The following ZNF774 variants were observed in gnomAD, a reference collection of about 807,000 sequenced individuals.
ZNF774 encodes zinc finger protein 774.
In ZNF774, 14 loss-of-function variants were observed where a neutral mutation model predicts 11.1. The observed-to-expected ratio is 1.26, with a 90% CI of 0.83 to 1.97. The LOEUF (loss-of-function observed/expected upper bound fraction) is 1.97. ZNF774 is among the 30% of genes most tolerant of loss of function. The pLI is 0.00. For missense variants in ZNF774, 599 were observed against 587.0 expected, an observed-to-expected ratio of 1.02 and a Z score of -0.21; for synonymous variants, 195 against 212.6, an observed-to-expected ratio of 0.92 and a Z score of 0.72.
chr15:90,353,009 C>T (rs1438409579), intron 1 of ZNF774, among the ~76,000 whole-genome samples: 6 of 152,034 alleles, frequency 3.9e-5, no homozygotes, highest in Admixed American at 3.9e-4. Context: ...CTCTTGTTGC[C>T]CAGGCTGGAA....
chr15:90,352,662 G>C (rs1964189111), intron 1 of ZNF774, among the ~76,000 whole-genome samples: 1 of 152,096 alleles, frequency 6.6e-6, no homozygotes, highest in Non-Finnish European at 1.5e-5. Flanking sequence ...GTGACCCTCT[G>C]ACCGCCGCAC....
Position 90,355,424 on chromosome 15 carries a change from T to C in ZNF774, c.104+660T>C, listed in dbSNP as rs113880736. ...GTCTTTGTGGAAAAGGAGGTAATTT[T>C]TTCTGTCACTTAAAAACAGGCTGGG... On this transcript the variant is annotated intron_variant, in intron 2 of 3. Transcript: ENST00000354377. 1,461 of 455,970 alleles carry C rather than the reference T, an allele frequency of 3.2e-3. 19 individuals are homozygous for C. The highest frequency in any genetic ancestry group is 0.026 in the African/African-American group (1,303 of 50,150). The allele number at this position is 455,970 out of a possible 1,614,324, so 28.2% of individuals were successfully genotyped here.
chr15:90,362,816 C>T lies in ZNF774; in HGVS notation c.*1533C>T, dbSNP rs868411602. On this transcript the variant is annotated 3_prime_UTR_variant, in exon 4 of 4. Coordinates refer to ENST00000354377, the MANE Select transcript of ZNF774 (RefSeq NM_001004309.3). ...TTGGTTAACTATAAATGTAATATCT[C>T]TATGTTATAATTCTGTTGCTAATGT... is the stretch of plus-strand genomic sequence containing the variant. 11 of 444,826 alleles carry T rather than the reference C, an allele frequency of 2.5e-5. No homozygotes were observed. Among genetic ancestry groups the T allele is most frequent in the Non-Finnish European group, 4.0e-6 (1 of 249,376 alleles). The allele number at this position is 444,826 out of a possible 1,614,324, so 27.6% of individuals were successfully genotyped here. A position where few individuals can be genotyped will look rare whatever the true frequency, so the allele number is the denominator to read the frequency against.
At position 90,354,720 on chromosome 15, in the gene ZNF774, C is replaced by T. The variant is rs8023776; in HGVS notation, c.60C>T (p.Leu20=). The change falls in exon 2 of 4, where the codon CTC becomes CTT. Residue 20 remains leucine, a synonymous_variant. Coordinates refer to ENST00000354377, the MANE Select transcript of ZNF774 (RefSeq NM_001004309.3). ...CTGGACACTGCTTAGAGAATCCTCT[C>T]CAGGAATGCCACCCAGCACAGTTAG... ...GLPGHCLENP[L]QECHPAQLEE... is the part of the protein sequence containing the mutation. The T allele has an allele frequency of 0.22, 349,340 of 1,611,454 alleles. 40,281 individuals carry two copies. The highest frequency in any genetic ancestry group is 0.4 in the African/African-American group (29,743 of 74,892).
In ZNF774 at chr15:90,362,787, T is replaced by A. The variant is rs1964354957; in HGVS notation, c.*1504T>A. On this transcript the variant is annotated 3_prime_UTR_variant, in exon 4 of 4. Transcript: ENST00000354377. ...CACACACACACACACACACACACAC[T>A]TTGTTGGTTAACTATAAATGTAATA... is the stretch of plus-strand genomic sequence containing the variant. 2.0e-6 allele frequency: 1 copy of A among 496,114 alleles called. No individual in the cohort carries two copies. Among genetic ancestry groups the A allele is most frequent in the Admixed American group, 3.4e-5 (1 of 29,572 alleles). 30.7% of individuals were successfully genotyped at this position (496,114 alleles called of 1,614,324 possible).
In ZNF774 at chr15:90,362,570, A is replaced by G. The variant is rs764126239; in HGVS notation, c.*1287A>G. 3 of 1,535,888 alleles carry G rather than the reference A, an allele frequency of 2.0e-6. No homozygotes were observed. Among genetic ancestry groups the G allele is most frequent in the African/African-American group, 1.4e-5 (1 of 73,150 alleles). On this transcript the variant is annotated 3_prime_UTR_variant, in exon 4 of 4. Transcript: ENST00000354377. ...GGCCATCCAGGTTATGCACTAGTAC[A>G]TTCCTACATTCAATTGAAATAAATT... is the stretch of plus-strand genomic sequence containing the variant.
Position 90,360,685 on chromosome 15 carries a change from A to G in ZNF774, c.854A>G (p.His285Arg). The stretch of plus-strand genomic sequence containing the variant: ...AATTTCATCACTCACCAGAGGACCC[A>G]CACAGGGGTGAAGCCTTACAGGTGT... ...SSNFITHQRT[H>R]TGVKPYRCND... is the part of the protein sequence containing the mutation. The change falls in exon 4 of 4, where the codon CAC (histidine) becomes CGC (arginine). Residue 285 changes from histidine (H) to arginine (R), a missense_variant. By Grantham distance (29) the His-to-Arg change is conservative. Coordinates refer to ENST00000354377, the MANE Select transcript of ZNF774 (RefSeq NM_001004309.3). The G allele has an allele frequency of 1.2e-6, 2 of 1,614,240 alleles. No homozygotes were observed. The highest frequency in any genetic ancestry group is 1.7e-6 in the Non-Finnish European group (2 of 1,180,048).
Position 90,361,550 on chromosome 15 carries a change from C to A in ZNF774, c.*267C>A. 1 of 1,149,896 alleles carries A rather than the reference C, an allele frequency of 8.7e-7. No individual in the cohort carries two copies. Among genetic ancestry groups the A allele is most frequent in the Non-Finnish European group, 1.1e-6 (1 of 932,086 alleles). The allele number at this position is 1,149,896 out of a possible 1,614,324, so 71.2% of individuals were successfully genotyped here. On this transcript the variant is annotated 3_prime_UTR_variant, in exon 4 of 4. Coordinates refer to ENST00000354377, the MANE Select transcript of ZNF774 (RefSeq NM_001004309.3). Reference sequence around the variant, plus strand: ...ATGCCCGCCAGGCGTGGTGGCTCACCCCTGTAATCCCAGCACTTTTGGGAG... The same window carrying A: ...ATGCCCGCCAGGCGTGGTGGCTCACACCTGTAATCCCAGCACTTTTGGGAG...
chr15:90,361,508 T>A lies in ZNF774; in HGVS notation c.*225T>A, dbSNP rs1438059920. 1.5e-6 allele frequency: 2 copies of A among 1,310,112 alleles called. No homozygotes were observed. Among genetic ancestry groups the A allele is most frequent in the Non-Finnish European group, 1.9e-6 (2 of 1,030,426 alleles). The allele number at this position is 1,310,112 out of a possible 1,614,324, so 81.2% of individuals were successfully genotyped here. A position where few individuals can be genotyped will look rare whatever the true frequency, so the allele number is the denominator to read the frequency against. On this transcript the variant is annotated 3_prime_UTR_variant, in exon 4 of 4. Coordinates refer to ENST00000354377, the MANE Select transcript of ZNF774 (RefSeq NM_001004309.3). ...AGTGTGTGACTGACTCTTAGGGAAATGTGAGTTTAATAGTTGATGCCCGCC... is the reference window on the plus strand; with the variant it reads ...AGTGTGTGACTGACTCTTAGGGAAAAGTGAGTTTAATAGTTGATGCCCGCC...
rs1255598796 is a variant in ZNF774, at chr15:90,352,289, CCCACAGCCCTGT to C, written c.-140_-129del. 6.6e-6 allele frequency: 1 copy of C among 152,316 alleles called. No individual in the cohort carries two copies. Among genetic ancestry groups the C allele is most frequent in the African/African-American group, 2.4e-5 (1 of 41,466 alleles). 9.4% of individuals were successfully genotyped at this position (152,316 alleles called of 1,614,324 possible). ...TCGAAGCCGGAGTCCCACCTGTGTCCCCACAGCCCTGTCACGAATCCCGGTCGGGTTCTGGGA... is the reference window on the plus strand; with the variant it reads ...TCGAAGCCGGAGTCCCACCTGTGTCCCACGAATCCCGGTCGGGTTCTGGGA... On this transcript the variant is annotated 5_prime_UTR_variant, in exon 1 of 4. Transcript: ENST00000354377.
chr15:90,360,819 GAT>G lies in ZNF774; in HGVS notation c.990_991del (p.Asp330GlufsTer21). ...KCPECGKGFR[D>X]SSHFVAHMST... ...CCCGGAGTGCGGGAAGGGCTTCAGA[GAT>G]AGTTCTCATTTTGTAGCTCACATGA... On this transcript the variant is annotated frameshift_variant, in exon 4 of 4. Transcript: ENST00000354377. LOFTEE classifies it low-confidence loss of function (END_TRUNC). The G allele has an allele frequency of 6.2e-7, 1 of 1,614,098 alleles. No homozygotes were observed. The highest frequency in any genetic ancestry group is 8.5e-7 in the Non-Finnish European group (1 of 1,180,010).
In ZNF774 at chr15:90,362,652, T is replaced by C; in HGVS notation, c.*1369T>C. On this transcript the variant is annotated 3_prime_UTR_variant, in exon 4 of 4. Transcript: ENST00000354377. ...GACTTCATTGAGAAGGTAAAGTATT[T>C]GAGTCCTGGCCCTGACGCTTAATTT... 1 of 1,429,572 alleles carries C rather than the reference T, an allele frequency of 7.0e-7. No homozygotes were observed. The highest frequency in any genetic ancestry group is 9.5e-7 in the Non-Finnish European group (1 of 1,049,776). The allele number at this position is 1,429,572 out of a possible 1,614,324, so 88.6% of individuals were successfully genotyped here.
At position 90,360,986 on chromosome 15, in the gene ZNF774, C is replaced by A; in HGVS notation, c.1155C>A (p.Ala385=). Residue 385 remains alanine (A), a synonymous_variant, in exon 4 of 4, where the codon GCC becomes GCA. Coordinates refer to ENST00000354377, the MANE Select transcript of ZNF774 (RefSeq NM_001004309.3). ...GCGAAAACTGTGGGAAAGGATTCGC[C>A]GACAGCTCCGCCCTCATTAAGCACC... The part of the protein sequence containing the change: ...FKCENCGKGF[A]DSSALIKHQR... The A allele has an allele frequency of 6.2e-7, 1 of 1,614,116 alleles. No individual in the cohort carries two copies. Among genetic ancestry groups the A allele is most frequent in the Non-Finnish European group, 8.5e-7 (1 of 1,180,016 alleles).
chr15:90,355,641 T>C (rs1964233819), intron 2 of ZNF774, among the ~76,000 whole-genome samples: 1 of 144,878 alleles, frequency 6.9e-6, no homozygotes, highest in Non-Finnish European at 1.5e-5. Flanking sequence ...GAGAATTGCT[T>C]GAACCTGGGA....
rs535236852 is a variant in ZNF774 at position 90,360,503 on chromosome 15, A to C, written c.672A>C (p.Lys224Asn). 2 of 1,613,946 alleles carry C rather than the reference A, an allele frequency of 1.2e-6. No homozygotes were observed. The highest frequency in any genetic ancestry group is 4.5e-5 in the East Asian group (2 of 44,876). ...KKFSDSSTLI[K>N]HQRTHTGERP... ...TCAGCGACAGCTCAACACTCATCAA[A>C]CATCAGAGAACCCACACAGGGGAGA... The change falls in exon 4 of 4, where the codon AAA (lysine) becomes AAC (asparagine). Residue 224 changes from lysine (K) to asparagine (N), a missense_variant. Physicochemically the swap from Lys to Asn is moderately conservative, Grantham distance 94. Transcript: ENST00000354377.
intron 1 of ZNF774, among the ~76,000 whole-genome samples, chr15:90,352,843 C>T (rs573105621): frequency 2.8e-4 from 42 of 152,208 alleles, no homozygotes; most frequent in African/African-American, 9.6e-4. Context: ...GGGAAAGGGA[C>T]GGGCTGGGAA....
Position 90,361,204 on chromosome 15 carries a change from C to G in ZNF774, c.1373C>G (p.Pro458Arg). Residue 458 changes from proline to arginine, a missense_variant, in exon 4 of 4, where the codon CCT (proline) becomes CGT (arginine). Physicochemically the swap from Pro to Arg is moderately radical, Grantham distance 103. Coordinates refer to ENST00000354377, the MANE Select transcript of ZNF774 (RefSeq NM_001004309.3). ...CAGAGAACGCATACAGGAGAAAAACCTTTCCACTGTAGTAAATGTAACAAG... is the reference window on the plus strand; with the variant it reads ...CAGAGAACGCATACAGGAGAAAAACGTTTCCACTGTAGTAAATGTAACAAG... ...THQRTHTGEK[P>R]FHCSKCNKSF... is the part of the protein sequence containing the mutation. The G allele has an allele frequency of 6.2e-7, 1 of 1,614,112 alleles. No homozygotes were observed. The highest frequency in any genetic ancestry group is 1.7e-4 in the Middle Eastern group (1 of 6,060).
At chr15:90,359,954 A>G in intron 3 of ZNF774, 89 bp from the exon 4 acceptor site, 2 of 1,418,684 alleles carry the variant, frequency 1.4e-6, no homozygotes, top group Non-Finnish European at 1.9e-6. Flanking sequence ...TGCTGCAGAA[A>G]CAGGGATTTT....
chr15:90,354,148 G>A (rs886452117), intron 1 of ZNF774, among the ~76,000 whole-genome samples: 15 of 151,062 alleles, frequency 9.9e-5, no homozygotes, highest in African/African-American at 3.6e-4. Flanking sequence ...ATCCAACACA[G>A]TTCCCTTTGG....
Sources: gnomAD v4.1 joint callset for allele counts (sites outside exome capture counted in the v4.1 genomes callset) on GRCh38, gnomAD v4.1.1 for gene constraint, MANE v1.5 for transcripts, NCBI Gene and HGNC (gene_info 2026-07-23, HGNC 2026-07-21) for gene names.